ZFYVE9: variants seen among roughly 807,000 people sequenced by gnomAD.
ZFYVE9 encodes zinc finger FYVE-type containing 9.
A neutral mutation model predicts 126.7 loss-of-function variants in ZFYVE9; 43 were observed. The observed-to-expected ratio is 0.34, with a 90% confidence interval of 0.27 to 0.44. ZFYVE9 has a LOEUF of 0.44. Among genes scored for constraint, ZFYVE9 ranks in the 20% least tolerant of loss-of-function variants. The probability of loss-of-function intolerance (pLI) is 1.00; values close to 1 mark genes in which losing one functional copy is unlikely to be tolerated. For synonymous variants in ZFYVE9, 521 were observed against 597.4 expected (o/e 0.87, Z 1.87); for missense variants, 1,476 against 1,697.0 (o/e 0.87, Z 2.29).
Position 52,346,326 on chromosome 1 carries a change from T to A in ZFYVE9, c.*105T>A. The A allele has an allele frequency of 9.6e-6, 8 of 837,040 alleles. No individual in the cohort carries two copies. Among genetic ancestry groups the A allele is most frequent in the South Asian group, 2.4e-5 (1 of 41,826 alleles). 51.9% of individuals were successfully genotyped at this position (837,040 alleles called of 1,614,324 possible). On this transcript the variant is annotated 3_prime_UTR_variant, in exon 19 of 19. Coordinates refer to ENST00000287727, the MANE Select transcript of ZFYVE9 (RefSeq NM_004799.4). ...AAGATTAAGCTTTTGTTAACACTATTAATGGGGTGGGGAATAGGGTGGGAG... is the reference window on the plus strand; with the variant it reads ...AAGATTAAGCTTTTGTTAACACTATAAATGGGGTGGGGAATAGGGTGGGAG...
intron 1 of ZFYVE9, among the ~76,000 whole-genome samples, chr1:52,184,211 T>TTATATA (rs1235083291): frequency 7.0e-6 from 1 of 143,352 alleles, no homozygotes; most frequent in African/African-American, 2.6e-5. Context: ...ATATATATAT[T>TTATATA]TATATATATA....
intron 1 of ZFYVE9, among the ~76,000 whole-genome samples, chr1:52,187,396 A>AT (rs2124550095): frequency 6.6e-6 from 1 of 152,370 alleles, no homozygotes; most frequent in Admixed American, 6.5e-5. Context: ...CATTTTGGAC[A>AT]TAGGAACTGG....
At chr1:52,253,740 T>G in intron 4 of ZFYVE9, 1 of 1,608,206 alleles carries the variant, frequency 6.2e-7, no homozygotes. Flanking sequence ...AACCAGGATT[T>G]GGAGTGGATC....
chr1:52,309,332 G>T (rs1646115577), intron 13 of ZFYVE9, among the ~76,000 whole-genome samples: 1 of 152,098 alleles, frequency 6.6e-6, no homozygotes, highest in Admixed American at 6.5e-5. Context: ...CAAAAAATTA[G>T]CTGGGCATGG....
intron 1 of ZFYVE9, among the ~76,000 whole-genome samples, chr1:52,183,887 C>T (rs1380730499): frequency 6.8e-6 from 1 of 146,658 alleles, no homozygotes; most frequent in African/African-American, 2.5e-5. Flanking sequence ...TGGAGTCTCA[C>T]TCTGTCACCC....
intron 4 of ZFYVE9, among the ~76,000 whole-genome samples, chr1:52,251,741 A>AT (rs1557481351): frequency 6.6e-6 from 1 of 152,106 alleles, no homozygotes; most frequent in African/African-American, 2.4e-5. Context: ...CTCCTCTTCA[A>AT]TTTTTTGGAA....
intron 10 of ZFYVE9, among the ~76,000 whole-genome samples, chr1:52,290,538 T>C (rs1410522614): frequency 6.6e-6 from 1 of 152,200 alleles, no homozygotes; most frequent in Non-Finnish European, 1.5e-5. Flanking sequence ...AATTTTTTTC[T>C]CTTTGACAAA....
intron 12 of ZFYVE9, among the ~76,000 whole-genome samples, chr1:52,302,397 A>G (rs1183189617): frequency 1.3e-5 from 2 of 152,228 alleles, no homozygotes; most frequent in Non-Finnish European, 2.9e-5. Context: ...TTTAACTTTT[A>G]TCATTTGTTC....
In ZFYVE9 at chr1:52,167,628, AC is replaced by A. The variant is rs529597223; in HGVS notation, c.-143+25228del. On this transcript the variant is annotated intron_variant, in intron 1 of 18. Coordinates refer to ENST00000287727, the MANE Select transcript of ZFYVE9 (RefSeq NM_004799.4). Reference sequence around the variant, plus strand: ...TCTTGCCACACTTTGGTTACAGGACACCCACTTCTCAGAAACACCTCATCAG... The same window carrying A: ...TCTTGCCACACTTTGGTTACAGGACACCACTTCTCAGAAACACCTCATCAG... 3.9e-5 allele frequency among the ~76,000 whole-genome samples: 6 copies of A among 152,286 alleles called. No individual in the cohort carries two copies. The East Asian group carries it at 9.6e-4, about 24-fold the overall frequency.
At chr1:52,198,126 T>G (rs1235136576) in intron 1 of ZFYVE9, among the ~76,000 whole-genome samples, 12 of 128,224 alleles carry the variant, frequency 9.4e-5, no homozygotes, top group African/African-American at 3.5e-4. Flanking sequence ...TTTTGTTTGT[T>G]TTTTTTTTTT....
At chr1:52,151,262 C>A (rs990131240) in intron 1 of ZFYVE9, among the ~76,000 whole-genome samples, 1 of 152,042 alleles carries the variant, frequency 6.6e-6, no homozygotes, top group Non-Finnish European at 1.5e-5. Context: ...CTGTAGTGTG[C>A]CATCTTTCTG....
intron 13 of ZFYVE9, among the ~76,000 whole-genome samples, chr1:52,323,834 C>T (rs1411240665): frequency 6.7e-6 from 1 of 148,556 alleles, no homozygotes; most frequent in Non-Finnish European, 1.5e-5. Flanking sequence ...AGAATCACTC[C>T]TGAGGTCCGG....
intron 1 of ZFYVE9, among the ~76,000 whole-genome samples, chr1:52,196,751 T>C (rs1175224473): frequency 6.6e-6 from 1 of 152,198 alleles, no homozygotes; most frequent in Non-Finnish European, 1.5e-5. Context: ...TATTAACTTG[T>C]AAATTTATAA....
chr1:52,330,048 A>G (rs1330621343), intron 13 of ZFYVE9, among the ~76,000 whole-genome samples: 1 of 151,714 alleles, frequency 6.6e-6, no homozygotes, highest in East Asian at 1.9e-4. Context: ...ATAACATAAC[A>G]TAGCACCATA....
In ZFYVE9 at chr1:52,238,395, G is replaced by C; in HGVS notation, c.978G>C (p.Glu326Asp). ...TGATGAAAAAAGAGCCAGCAGAGGA[G>C]AGCACCACTGAAGAATCCCTCCGGT... ...GILMKKEPAEESTTEESLRSG... is the reference protein window; with the variant it reads ...GILMKKEPAEDSTTEESLRSG... The change falls in exon 4 of 19, where the codon GAG (glutamate) becomes GAC (aspartate). Residue 326 changes from glutamate to aspartate, a missense_variant. Physicochemically the swap from Glu to Asp is conservative, Grantham distance 45 (BLOSUM62 2). Transcript: ENST00000287727. The C allele has an allele frequency of 6.2e-7, 1 of 1,613,992 alleles. No individual in the cohort carries two copies. The highest frequency in any genetic ancestry group is 8.5e-7 in the Non-Finnish European group (1 of 1,179,962).
intron 13 of ZFYVE9, among the ~76,000 whole-genome samples, chr1:52,306,885 C>T (rs979591364): frequency 2.0e-5 from 3 of 152,206 alleles, no homozygotes; most frequent in Admixed American, 6.5e-5. Flanking sequence ...TGGCCGGAAC[C>T]CACGCTTGCT....
intron 12 of ZFYVE9, among the ~76,000 whole-genome samples, chr1:52,301,123 G>A (rs147999715): frequency 6.6e-6 from 1 of 151,822 alleles, no homozygotes; most frequent in African/African-American, 2.4e-5. Context: ...GCCTACCAAA[G>A]TGCTGGGATT....
chr1:52,161,072 AAGG>A (rs1427013793), intron 1 of ZFYVE9, among the ~76,000 whole-genome samples: 2 of 152,138 alleles, frequency 1.3e-5, no homozygotes, highest in Admixed American at 6.5e-5. Flanking sequence ...TTTTATTTGA[AAGG>A]AGACTACTTT....
In ZFYVE9 at chr1:52,269,534, T is replaced by A. The variant is rs369538728; in HGVS notation, c.2625+902T>A. Among the ~76,000 whole-genome samples, 4 of 152,212 alleles carry A rather than the reference T, an allele frequency of 2.6e-5. No homozygotes were observed. In the South Asian group the frequency reaches 8.3e-4, roughly 31 times the overall value. On this transcript the variant is annotated intron_variant, in intron 7 of 18. Coordinates refer to ENST00000287727, the MANE Select transcript of ZFYVE9 (RefSeq NM_004799.4). ...TTTTTTTAGACATTTACATCCTATA[T>A]AATTTGTGAGTTTGATTGTAATTGA...
Sources: gnomAD v4.1 joint callset for allele counts (sites outside exome capture counted in the v4.1 genomes callset) on GRCh38, gnomAD v4.1.1 for gene constraint, MANE v1.5 for transcripts, NCBI Gene and HGNC (gene_info 2026-07-23, HGNC 2026-07-21) for gene names.